Variants in PRELID2 observed in about 807,000 individuals in gnomAD.
The protein encoded by PRELID2 is PRELI domain containing 2.
A neutral mutation model predicts 28.4 loss-of-function variants in PRELID2; 25 were observed. That is an observed-to-expected ratio of 0.88 (90% CI 0.64 to 1.23). PRELID2 has a LOEUF of 1.23. Among genes scored for constraint, PRELID2 ranks in the 50% most tolerant of loss-of-function variants. The probability of loss-of-function intolerance (pLI) is 0.00; values close to 1 mark genes in which losing one functional copy is unlikely to be tolerated. For missense variants in PRELID2, 201 were observed against 214.4 expected (o/e 0.94, Z 0.39); for synonymous variants, 76 against 71.6 (o/e 1.06, Z -0.31).
chr5:145,252,422 C>A, the PRELID2 span, among the ~76,000 whole-genome samples: 20 of 152,042 alleles, frequency 1.3e-4, no homozygotes, highest in Non-Finnish European at 2.8e-4. Context: ...TTGGACAAAG[C>A]TATTTAATTT....
rs145798476 is a variant in PRELID2 at position 145,562,944 on chromosome 5, T to C, written n.71-89629A>G. The stretch of plus-strand genomic sequence containing the variant: ...AAAGAACTGACTCTTTATCTCAGGA[T>C]TTATGGGACTATTAAAGCCCAAAAG... On this transcript the variant is annotated intron_variant and non_coding_transcript_variant, in intron 1 of 2. Transcript: ENST00000510259. Among the ~76,000 whole-genome samples, 845 of 152,356 alleles carry C rather than the reference T, an allele frequency of 5.5e-3. 20 individuals carry two copies. Among genetic ancestry groups the C allele is most frequent in the Admixed American group, 4.2e-3 (65 of 15,300 alleles).
the PRELID2 span, among the ~76,000 whole-genome samples, chr5:145,286,280 C>G: frequency 6.6e-6 from 1 of 152,286 alleles, no homozygotes; most frequent in Middle Eastern, 3.4e-3. Flanking sequence ...AACTAGGATG[C>G]CTGCAGAGCC....
In PRELID2 at chr5:145,758,454, G is replaced by C. The variant is rs1209420704; in HGVS notation, c.*2082C>G. On this transcript the variant is annotated 3_prime_UTR_variant, in exon 7 of 7. Transcript: ENST00000683046. The stretch of plus-strand genomic sequence containing the variant: ...GAGTTTTTTTTAAAGCTGATGCCTT[G>C]GTTCCACTACCTGAGATTCTGATTT... 2.0e-5 allele frequency among the ~76,000 whole-genome samples: 3 copies of C among 152,052 alleles called. No individual in the cohort carries two copies. The East Asian group carries it at 5.8e-4, about 29-fold the overall frequency.
chr5:145,586,278 T>C (rs190663763), intron 1 of PRELID2, among the ~76,000 whole-genome samples: 68 of 152,138 alleles, frequency 4.5e-4, no homozygotes, highest in Non-Finnish European at 6.6e-4. Flanking sequence ...TAAGTCCTAA[T>C]TTCTGCATAA....
chr5:145,347,826 A>G, the PRELID2 span, among the ~76,000 whole-genome samples: 2 of 152,084 alleles, frequency 1.3e-5, no homozygotes, highest in Non-Finnish European at 2.9e-5. Flanking sequence ...AACTCTCTGT[A>G]CTATCTCTTC....
intron 1 of PRELID2, among the ~76,000 whole-genome samples, chr5:145,708,291 A>G (rs1755599933): frequency 6.6e-6 from 1 of 150,474 alleles, no homozygotes; most frequent in South Asian, 2.1e-4. Flanking sequence ...CAGTAAGAAA[A>G]TGATGAATCA....
the PRELID2 span, among the ~76,000 whole-genome samples, chr5:145,272,100 T>G: frequency 6.6e-6 from 1 of 152,060 alleles, no homozygotes; most frequent in Non-Finnish European, 1.5e-5. Context: ...TTTTTATTTC[T>G]GGAGCAGCAA....
intron 1 of PRELID2, among the ~76,000 whole-genome samples, chr5:145,521,694 G>A (rs1752564141): frequency 6.6e-6 from 1 of 152,238 alleles, no homozygotes; most frequent in South Asian, 2.1e-4. Context: ...GGCAAGAAAT[G>A]CAGCCTGGAG....
At chr5:145,439,511 C>A in the PRELID2 span, among the ~76,000 whole-genome samples, 1 of 152,078 alleles carries the variant, frequency 6.6e-6, no homozygotes, top group Non-Finnish European at 1.5e-5. Context: ...TCCCCCAAAG[C>A]CTATCATCTT....
At chr5:145,554,302 G>A (rs1321043111) in intron 1 of PRELID2, among the ~76,000 whole-genome samples, 1 of 152,208 alleles carries the variant, frequency 6.6e-6, no homozygotes, top group African/African-American at 2.4e-5. Flanking sequence ...AGAATGTGAA[G>A]TGGAAGAGAG....
chr5:145,752,165 A>G (rs1272068610), downstream of PRELID2, among the ~76,000 whole-genome samples: 1 of 152,176 alleles, frequency 6.6e-6, no homozygotes, highest in Non-Finnish European at 1.5e-5. Flanking sequence ...GCTCTTCCCC[A>G]ATACTTCTCT....
intron 6 of PRELID2, among the ~76,000 whole-genome samples, chr5:145,761,067 T>G (rs1394518273): frequency 6.6e-6 from 1 of 152,230 alleles, no homozygotes; most frequent in Non-Finnish European, 1.5e-5. Context: ...ATCTTTAATG[T>G]TAGGTACAGT....
chr5:145,727,799 TTTAA>T (rs1756216457), intron 1 of PRELID2, among the ~76,000 whole-genome samples: 1 of 152,226 alleles, frequency 6.6e-6, no homozygotes, highest in Non-Finnish European at 1.5e-5. Context: ...CTTCCCTGGC[TTTAA>T]TTATCAAGAC....
chr5:145,665,394 G>A (rs1754568608), intron 1 of PRELID2, among the ~76,000 whole-genome samples: 1 of 152,052 alleles, frequency 6.6e-6, no homozygotes, highest in South Asian at 2.1e-4. Context: ...TTAGATCCAG[G>A]ATTGGGAAAA....
chr5:145,833,936 A>G (rs1365308264), intron 1 of PRELID2, among the ~76,000 whole-genome samples: 1 of 152,238 alleles, frequency 6.6e-6, no homozygotes, highest in Non-Finnish European at 1.5e-5. Context: ...ACCCTCAGCC[A>G]AGGTCACCCA....
At chr5:145,745,609 C>A (rs1208346608) in intron 1 of PRELID2, among the ~76,000 whole-genome samples, 3 of 152,100 alleles carry the variant, frequency 2.0e-5, no homozygotes, top group Admixed American at 2.0e-4. Flanking sequence ...TGTCTGTAAT[C>A]CCAGCACTTT....
the PRELID2 span, among the ~76,000 whole-genome samples, chr5:145,363,113 T>C: frequency 9.9e-6 from 1 of 101,372 alleles, no homozygotes; most frequent in South Asian, 2.9e-4. Flanking sequence ...ATCATGGCTA[T>C]AAGAAAAAAA....
chr5:145,813,124 C>A (rs758408367), intron 4 of PRELID2, among the ~76,000 whole-genome samples: 1 of 152,168 alleles, frequency 6.6e-6, no homozygotes, highest in Non-Finnish European at 1.5e-5. Flanking sequence ...AGTCACACAC[C>A]CACACCTGCT....
the PRELID2 span, among the ~76,000 whole-genome samples, chr5:145,364,531 C>A: frequency 2.0e-5 from 3 of 152,100 alleles, no homozygotes; most frequent in East Asian, 5.8e-4. Context: ...AGATCCTCAG[C>A]TTTTAAAAGA....
Sources: allele counts gnomAD v4.1 joint callset (sites outside exome capture counted in the v4.1 genomes callset), GRCh38; gene constraint gnomAD v4.1.1; transcripts MANE v1.5; gene names NCBI Gene and HGNC (gene_info 2026-07-23, HGNC 2026-07-21).